Variants in PDGFD observed in about 807,000 individuals in gnomAD.
PDGFD encodes platelet-derived growth factor D.
In PDGFD, 30 loss-of-function variants were observed where a neutral mutation model predicts 44.7. That is an observed-to-expected ratio of 0.67 (90% CI 0.50 to 0.91). The LOEUF (loss-of-function observed/expected upper bound fraction) is 0.91. Ranked by LOEUF, PDGFD falls within the 40% of genes least tolerant of loss-of-function variation. The pLI is 0.00. For synonymous variants in PDGFD, 173 were observed against 168.4 expected, an observed-to-expected ratio of 1.03 and a Z score of -0.21; for missense variants, 445 against 457.8, an observed-to-expected ratio of 0.97 and a Z score of 0.25.
chr11:103,914,470 C>CA (rs1858082254), intron 6 of PDGFD, among the ~76,000 whole-genome samples: 1 of 152,128 alleles, frequency 6.6e-6, no homozygotes, highest in East Asian at 1.9e-4. Flanking sequence ...GCCTACCAAC[C>CA]AAAAAAAGTC....
At chr11:104,097,874 G>A (rs547048287) in intron 1 of PDGFD, among the ~76,000 whole-genome samples, 4 of 152,064 alleles carry the variant, frequency 2.6e-5, no homozygotes, top group Non-Finnish European at 5.9e-5. Flanking sequence ...CTTCCCTTAA[G>A]CACAAATCAT....
At chr11:104,081,936 C>T (rs1333167459) in intron 1 of PDGFD, among the ~76,000 whole-genome samples, 1 of 151,716 alleles carries the variant, frequency 6.6e-6, no homozygotes, top group African/African-American at 2.4e-5. Flanking sequence ...TTAATCATCC[C>T]ATAGAAAATA....
At position 104,097,052 on chromosome 11, in the gene PDGFD, C is replaced by T. The variant is rs1029798865; in HGVS notation, c.124+66752G>A. On this transcript the variant is annotated intron_variant, in intron 1 of 6. Transcript: ENST00000393158. ...AGTACTTCTGGACATTATCACTCTA[C>T]GACTGTTGAAAGAGAGAGTAAACGA... 9.9e-5 allele frequency among the ~76,000 whole-genome samples: 15 copies of T among 152,160 alleles called. No homozygotes were observed. The South Asian group carries it at 1.0e-3, about 11-fold the overall frequency.
intron 1 of PDGFD, among the ~76,000 whole-genome samples, chr11:104,131,897 T>G (rs12286104): frequency 0.13 from 19,636 of 150,324 alleles, 1,405 homozygotes; most frequent in East Asian, 0.28. Flanking sequence ...TTTGCAGAAG[T>G]CTGGTAAAGA....
chr11:103,963,927 T>G (rs1364456884), intron 3 of PDGFD, among the ~76,000 whole-genome samples: 1 of 152,170 alleles, frequency 6.6e-6, no homozygotes, highest in African/African-American at 2.4e-5. Context: ...TTCTAACTCA[T>G]GAATTAAAAT....
intron 1 of PDGFD, among the ~76,000 whole-genome samples, chr11:104,104,500 A>C (rs1272513375): frequency 1.3e-5 from 2 of 152,106 alleles, no homozygotes; most frequent in African/African-American, 2.4e-5. Context: ...ATATATTTTT[A>C]TTATACCTCT....
At chr11:103,920,983 A>T (rs888009029) in intron 6 of PDGFD, among the ~76,000 whole-genome samples, 1 of 152,180 alleles carries the variant, frequency 6.6e-6, no homozygotes, top group African/African-American at 2.4e-5. Flanking sequence ...TGGGAACTCA[A>T]AATTGTAGGT....
At chr11:104,131,574 T>A (rs1235925938) in intron 1 of PDGFD, among the ~76,000 whole-genome samples, 2 of 152,072 alleles carry the variant, frequency 1.3e-5, no homozygotes, top group Non-Finnish European at 2.9e-5. Context: ...ATAATAAGTA[T>A]TCCAAAACGT....
chr11:104,152,820 C>A (rs1862263674), intron 1 of PDGFD, among the ~76,000 whole-genome samples: 3 of 152,048 alleles, frequency 2.0e-5, no homozygotes, highest in African/African-American at 7.2e-5. Context: ...AAACATATAA[C>A]CTATTCTTCA....
chr11:104,103,448 A>G (rs983728904), intron 1 of PDGFD, among the ~76,000 whole-genome samples: 2 of 123,142 alleles, frequency 1.6e-5, no homozygotes, highest in Non-Finnish European at 3.3e-5. Context: ...ACAGACAATT[A>G]TGTGTGTGTG....
intron 3 of PDGFD, among the ~76,000 whole-genome samples, chr11:103,986,594 C>T (rs1219293132): frequency 6.6e-6 from 1 of 152,144 alleles, no homozygotes; most frequent in Non-Finnish European, 1.5e-5. Context: ...CTGACCTAAC[C>T]GACTCCATCT....
At chr11:103,995,952 A>G (rs1270553922) in intron 3 of PDGFD, 113 bp downstream of exon 3, 1 of 890,426 alleles carries the variant, frequency 1.1e-6, no homozygotes, top group East Asian at 2.5e-5. Context: ...AAACCATGTT[A>G]TAAGGAACTA....
intron 6 of PDGFD, among the ~76,000 whole-genome samples, chr11:103,913,699 T>G (rs2134300155): frequency 6.6e-6 from 1 of 152,162 alleles, no homozygotes; most frequent in South Asian, 2.1e-4. Flanking sequence ...TTCAAATAAA[T>G]CAATGAATCC....
chr11:103,926,633 CTG>C (rs1192648346), intron 6 of PDGFD, among the ~76,000 whole-genome samples: 1 of 152,140 alleles, frequency 6.6e-6, no homozygotes, highest in African/African-American at 2.4e-5. Flanking sequence ...TCTGAAATTA[CTG>C]TATCACATAT....
At chr11:104,078,003 C>T (rs944426468) in intron 1 of PDGFD, among the ~76,000 whole-genome samples, 1 of 140,444 alleles carries the variant, frequency 7.1e-6, no homozygotes, top group Non-Finnish European at 1.5e-5. Context: ...TGTCTCAGAG[C>T]ACTGGGCACA....
At chr11:104,111,261 TC>T (rs1216962028) in intron 1 of PDGFD, among the ~76,000 whole-genome samples, 4 of 145,746 alleles carry the variant, frequency 2.7e-5, no homozygotes, top group African/African-American at 7.8e-5. Flanking sequence ...AATTATTAAT[TC>T]TTTTTTTTTT....
At chr11:104,118,809 AATATATT>A (rs1322154189) in intron 1 of PDGFD, among the ~76,000 whole-genome samples, 1 of 49,570 alleles carries the variant, frequency 2.0e-5, no homozygotes, top group Non-Finnish European at 4.3e-5. Flanking sequence ...ATTAATATAT[AATATATT>A]ATATATTATA....
chr11:104,034,646 T>G (rs1391783723), intron 1 of PDGFD, among the ~76,000 whole-genome samples: 2 of 41,494 alleles, frequency 4.8e-5, no homozygotes, highest in Non-Finnish European at 1.2e-4. Flanking sequence ...TGCAAAACAC[T>G]TTTTTTTTTT....
intron 3 of PDGFD, among the ~76,000 whole-genome samples, chr11:103,950,394 C>CAA (rs375762671): frequency 1.9e-5 from 2 of 107,778 alleles, no homozygotes; most frequent in Non-Finnish European, 3.9e-5. Context: ...ACTAATAATA[C>CAA]AAAAAAAAAA....
Sources: allele counts gnomAD v4.1 joint callset (sites outside exome capture counted in the v4.1 genomes callset), GRCh38; gene constraint gnomAD v4.1.1; transcripts MANE v1.5; gene names NCBI Gene and HGNC (gene_info 2026-07-23, HGNC 2026-07-21).